The following FANCB variants were observed in gnomAD, a reference collection of about 807,000 sequenced individuals.
FANCB encodes the protein FA complementation group B.
A neutral mutation model predicts 38.9 loss-of-function variants in FANCB; 5 were observed. The ratio of observed to expected loss-of-function variants is 0.13; its 90% CI spans 0.07 to 0.27. FANCB has a LOEUF of 0.27. FANCB is among the 10% of genes least tolerant of loss of function. The pLI is 1.00. For synonymous variants in FANCB, 236 were observed against 215.4 expected, an observed-to-expected ratio of 1.10 and a Z score of -0.84; for missense variants, 573 against 602.7, an observed-to-expected ratio of 0.95 and a Z score of 0.52.
the FANCB span, among the ~76,000 whole-genome samples, chrX:14,770,209 C>T: frequency 1.3e-4 from 15 of 111,819 alleles, no homozygotes; most frequent in Admixed American, 1.4e-3. Flanking sequence ...AATATTCTGC[C>T]TTGATGATCT....
At chrX:14,767,862 T>C in the FANCB span, among the ~76,000 whole-genome samples, 1 of 112,469 alleles carries the variant, frequency 8.9e-6, no homozygotes, top group Non-Finnish European at 1.9e-5. Context: ...AATTTTTGTA[T>C]ATGGTGCAAG....
chrX:14,803,826 T>C, the FANCB span, among the ~76,000 whole-genome samples: 1 of 111,194 alleles, frequency 9.0e-6, no homozygotes, highest in Admixed American at 9.6e-5. Flanking sequence ...GGGCAAAGGA[T>C]ATGAACAGAC....
At chrX:14,796,661 T>TATAC in the FANCB span, among the ~76,000 whole-genome samples, 1 of 87,584 alleles carries the variant, frequency 1.1e-5, no homozygotes, top group Non-Finnish European at 2.2e-5. Context: ...AGTGCATATA[T>TATAC]ACACACACAC....
At chrX:14,766,534 T>C in the FANCB span, among the ~76,000 whole-genome samples, 1 of 111,934 alleles carries the variant, frequency 8.9e-6, no homozygotes, top group African/African-American at 3.2e-5. Context: ...ATTAATATAA[T>C]TCTAATAATG....
downstream of FANCB, among the ~76,000 whole-genome samples, chrX:14,840,903 T>C (rs1237651743): frequency 8.9e-6 from 1 of 111,867 alleles, no homozygotes; most frequent in Admixed American, 9.5e-5. Context: ...TTACTGCCCT[T>C]ACTAAAGTTC....
downstream of FANCB, among the ~76,000 whole-genome samples, chrX:14,840,777 A>C (rs2092352889): frequency 8.9e-6 from 1 of 111,912 alleles, no homozygotes; most frequent in Non-Finnish European, 1.9e-5. Flanking sequence ...TTTCTAGCTG[A>C]ACCTAAGGCC....
At chrX:14,713,782 A>G in the FANCB span, among the ~76,000 whole-genome samples, 2 of 111,682 alleles carry the variant, frequency 1.8e-5, no homozygotes, top group Non-Finnish European at 3.8e-5. Flanking sequence ...GAGGGAGAAC[A>G]GCAGGAGTTA....
chrX:14,776,375 GT>G, the FANCB span, among the ~76,000 whole-genome samples: 4 of 112,099 alleles, frequency 3.6e-5, no homozygotes, highest in African/African-American at 1.3e-4. Flanking sequence ...TGGGAGGGCT[GT>G]TGGGGAAAGA....
the FANCB span, among the ~76,000 whole-genome samples, chrX:14,739,149 G>C: frequency 9.0e-6 from 1 of 111,516 alleles, no homozygotes; most frequent in Non-Finnish European, 1.9e-5. Flanking sequence ...AGTATAATTT[G>C]AATGATTCAA....
chrX:14,837,717 T>G (rs1427543993), intron 10 of FANCB, among the ~76,000 whole-genome samples: 2 of 112,429 alleles, frequency 1.8e-5, no homozygotes, highest in African/African-American at 3.2e-5. Flanking sequence ...TGTCAAGACA[T>G]GATAGTGTTT....
the FANCB span, among the ~76,000 whole-genome samples, chrX:14,707,390 T>C: frequency 9.0e-6 from 1 of 111,611 alleles, no homozygotes; most frequent in African/African-American, 3.3e-5. Context: ...CAAGCAAGAT[T>C]ATGCACGTGA....
At chrX:14,746,730 A>C in the FANCB span, among the ~76,000 whole-genome samples, 1 of 112,230 alleles carries the variant, frequency 8.9e-6, no homozygotes, top group Non-Finnish European at 1.9e-5. Context: ...AGTTAAGCAA[A>C]GTATGCAAAA....
At chrX:14,769,275 G>A in the FANCB span, among the ~76,000 whole-genome samples, 1 of 111,599 alleles carries the variant, frequency 9.0e-6, no homozygotes, top group Non-Finnish European at 1.9e-5. Flanking sequence ...GAATTCAGCT[G>A]TGAATCCGTC....
chrX:14,772,207 G>C, the FANCB span, among the ~76,000 whole-genome samples: 1 of 111,263 alleles, frequency 9.0e-6, no homozygotes, highest in East Asian at 2.9e-4. Context: ...GACTGAAACA[G>C]TTGAGTTGAC....
the FANCB span, among the ~76,000 whole-genome samples, chrX:14,827,196 G>A: frequency 9.0e-6 from 1 of 111,526 alleles, no homozygotes; most frequent in Non-Finnish European, 1.9e-5. Flanking sequence ...CTTTTTCAGA[G>A]TTTTCATAGC....
chrX:14,814,250 AG>A, the FANCB span, among the ~76,000 whole-genome samples: 1 of 112,014 alleles, frequency 8.9e-6, no homozygotes, highest in Non-Finnish European at 1.9e-5. Flanking sequence ...AATACCATTC[AG>A]GACACAGGCA....
chrX:14,847,261 GA>G (rs2092380672), intron 7 of FANCB, among the ~76,000 whole-genome samples: 2 of 110,247 alleles, frequency 1.8e-5, no homozygotes, highest in Non-Finnish European at 3.8e-5. Flanking sequence ...TTTAGCATAT[GA>G]AAAAAAGAAA....
At chrX:14,819,346 T>A in the FANCB span, among the ~76,000 whole-genome samples, 4 of 110,786 alleles carry the variant, frequency 3.6e-5, no homozygotes, top group African/African-American at 1.3e-4. Flanking sequence ...TCTAGAGAGG[T>A]TAATATGCAG....
chrX:14,853,487 G>A (rs1339812182), intron 5 of FANCB, among the ~76,000 whole-genome samples: 3 of 111,275 alleles, frequency 2.7e-5, no homozygotes, highest in African/African-American at 9.8e-5. Flanking sequence ...TAAAAATCAA[G>A]GCCTACAAAT....
Sources: gnomAD v4.1 joint callset for allele counts (sites outside exome capture counted in the v4.1 genomes callset) on GRCh38, gnomAD v4.1.1 for gene constraint, MANE v1.5 for transcripts, NCBI Gene and HGNC (gene_info 2026-07-23, HGNC 2026-07-21) for gene names.